Variants in CACNB2 observed in about 807,000 individuals in gnomAD.
CACNB2 encodes the protein calcium voltage-gated channel auxiliary subunit beta 2.
CACNB2 carries 42 observed loss-of-function variants against 73.3 expected under a neutral mutation model. The ratio of observed to expected loss-of-function variants is 0.57; its 90% CI spans 0.45 to 0.74. CACNB2 has a LOEUF of 0.74. CACNB2 is among the 30% of genes least tolerant of loss of function. The pLI, the probability that CACNB2 is intolerant of heterozygous loss-of-function variation, is 0.00. For missense variants in CACNB2, 940 were observed against 853.0 expected, an observed-to-expected ratio of 1.10 and a Z score of -1.27; for synonymous variants, 348 against 310.3, an observed-to-expected ratio of 1.12 and a Z score of -1.28.
rs537327079 is a variant in CACNB2 at position 18,304,310 on chromosome 10, A to G, written c.214-97614A>G. On this transcript the variant is annotated intron_variant, in intron 2 of 13. Transcript: ENST00000324631. ...AGTCATGGTGGCAGTGGACAAGTTT[A>G]TTTCTCAATACACAATGGGCAAGTA... Among the ~76,000 whole-genome samples, 4 of 152,288 alleles carry G rather than the reference A, an allele frequency of 2.6e-5. No individual in the cohort carries two copies. The South Asian group carries it at 8.3e-4, about 32-fold the overall frequency.
chr10:18,188,073 C>G (rs1428699263), intron 2 of CACNB2, among the ~76,000 whole-genome samples: 10 of 152,118 alleles, frequency 6.6e-5, no homozygotes, highest in Non-Finnish European at 1.0e-4. Context: ...TGTTAATTGA[C>G]ATCAACAACA....
intron 1 of CACNB2, among the ~76,000 whole-genome samples, chr10:18,147,808 C>G (rs1056579472): frequency 5.3e-5 from 8 of 151,756 alleles, no homozygotes; most frequent in Admixed American, 6.6e-5. Flanking sequence ...CACTTTTTTC[C>G]CCCCTTAATT....
chr10:18,222,169 T>C (rs2035819933), intron 2 of CACNB2, among the ~76,000 whole-genome samples: 1 of 152,160 alleles, frequency 6.6e-6, no homozygotes. Context: ...AACCTCTAGA[T>C]TGAAACAGCA....
chr10:18,188,976 T>G lies in CACNB2; in HGVS notation c.213+38001T>G, dbSNP rs78753395. ...TGTCTATTGTTATTTATTTATATTT[T>G]TGAGACAGGGTCTCACTCTGTCACC... On this transcript the variant is annotated intron_variant, in intron 2 of 13. Coordinates refer to ENST00000324631, the MANE Select transcript of CACNB2 (RefSeq NM_201596.3). Among the ~76,000 whole-genome samples, 958 of 152,164 alleles carry G rather than the reference T, an allele frequency of 6.3e-3. 5 individuals are homozygous for G. The highest frequency in any genetic ancestry group is 0.014 in the Middle Eastern group (4 of 294).
At position 18,542,660 on chromosome 10, in the gene CACNB2, A is replaced by C. The variant is rs1444817719; in HGVS notation, c.*2936A>C. The C allele has an allele frequency of 6.6e-6, 1 of 152,220 alleles. No individual in the cohort carries two copies. Among genetic ancestry groups the C allele is most frequent in the Admixed American group, 6.5e-5 (1 of 15,284 alleles). The allele number at this position is 152,220 out of a possible 1,614,324, so 9.4% of individuals were successfully genotyped here. A position where few individuals can be genotyped will look rare whatever the true frequency, so the allele number is the denominator to read the frequency against. ...AAAGAACTAGCTTGAAGGATTTGACATAAGAGCCGCTATATGTGAAAAACT... is the reference window on the plus strand; with the variant it reads ...AAAGAACTAGCTTGAAGGATTTGACCTAAGAGCCGCTATATGTGAAAAACT... On this transcript the variant is annotated 3_prime_UTR_variant, in exon 14 of 14. Transcript: ENST00000324631.
At chr10:18,529,844 C>A (rs1026219560) in intron 10 of CACNB2, among the ~76,000 whole-genome samples, 1 of 152,154 alleles carries the variant, frequency 6.6e-6, no homozygotes, top group African/African-American at 2.4e-5. Context: ...TTCCACACAT[C>A]ATTTGACGCT....
At chr10:18,524,167 G>A (rs1047128490) in intron 9 of CACNB2, among the ~76,000 whole-genome samples, 2 of 151,636 alleles carry the variant, frequency 1.3e-5, no homozygotes, top group African/African-American at 4.8e-5. Context: ...TAACAAGGAA[G>A]TTGAGAACAA....
intron 2 of CACNB2, among the ~76,000 whole-genome samples, chr10:18,208,347 G>A (rs939737049): frequency 1.3e-5 from 2 of 152,068 alleles, no homozygotes; most frequent in African/African-American, 2.4e-5. Context: ...GTAGTGATAT[G>A]TGGCTGTTGT....
chr10:18,407,999 T>A (rs989288706), intron 3 of CACNB2, among the ~76,000 whole-genome samples: 2 of 152,130 alleles, frequency 1.3e-5, no homozygotes, highest in African/African-American at 4.8e-5. Flanking sequence ...ATTTATTATT[T>A]CATATATTTG....
intron 3 of CACNB2, among the ~76,000 whole-genome samples, chr10:18,406,657 T>C (rs1256425847): frequency 6.6e-6 from 1 of 152,188 alleles, no homozygotes; most frequent in Non-Finnish European, 1.5e-5. Flanking sequence ...TTCTACATGA[T>C]TGTAAGTTGT....
intron 9 of CACNB2, among the ~76,000 whole-genome samples, chr10:18,521,776 G>A (rs1171580147): frequency 6.6e-6 from 1 of 152,172 alleles, no homozygotes; most frequent in African/African-American, 2.4e-5. Context: ...CAGGGGACCT[G>A]GAAGATACAG....
rs374488058 is a variant in CACNB2 at position 18,338,083 on chromosome 10, A to G, written c.214-63841A>G. 5.5e-4 allele frequency among the ~76,000 whole-genome samples: 84 copies of G among 152,348 alleles called. No homozygotes were observed. The South Asian group carries it at 0.015, about 27-fold the overall frequency. On this transcript the variant is annotated intron_variant, in intron 2 of 13. Coordinates refer to ENST00000324631, the MANE Select transcript of CACNB2 (RefSeq NM_201596.3). ...AAACAAGTGAGATTACACCAAACCA[A>G]AAAGCTTTCTCATAGCAGAGGAAAT...
At chr10:18,374,131 A>G (rs1243808001) in intron 2 of CACNB2, among the ~76,000 whole-genome samples, 1 of 152,196 alleles carries the variant, frequency 6.6e-6, no homozygotes, top group African/African-American at 2.4e-5. Flanking sequence ...TACTGTTTTG[A>G]TTGAGGTGGA....
intron 3 of CACNB2, among the ~76,000 whole-genome samples, chr10:18,482,473 G>A (rs948180481): frequency 6.6e-6 from 1 of 152,082 alleles, no homozygotes; most frequent in Admixed American, 6.6e-5. Context: ...GACTGAAGAT[G>A]CCTTGAGCAG....
At chr10:18,149,584 G>A (rs1271415586) in intron 1 of CACNB2, among the ~76,000 whole-genome samples, 1 of 152,176 alleles carries the variant, frequency 6.6e-6, no homozygotes, top group Non-Finnish European at 1.5e-5. Flanking sequence ...GCAAATGTTT[G>A]TAATAGATTT....
At chr10:18,232,142 G>A (rs946547695) in intron 2 of CACNB2, among the ~76,000 whole-genome samples, 34 of 152,110 alleles carry the variant, frequency 2.2e-4, no homozygotes, top group Non-Finnish European at 4.4e-5. Flanking sequence ...GTTGATCATT[G>A]GAGGAAATAT....
intron 2 of CACNB2, among the ~76,000 whole-genome samples, chr10:18,294,992 C>T (rs1222316217): frequency 6.6e-6 from 1 of 152,222 alleles, no homozygotes; most frequent in Admixed American, 6.5e-5. Context: ...ACGCCCATCT[C>T]ATCACCCTGA....
chr10:18,287,265 G>A (rs2038844700), intron 2 of CACNB2, among the ~76,000 whole-genome samples: 1 of 152,040 alleles, frequency 6.6e-6, no homozygotes, highest in Admixed American at 6.6e-5. Flanking sequence ...GGAGGCAGAG[G>A]TTGCAGTGAG....
chr10:18,438,183 A>AGTT, intron 3 of CACNB2, among the ~76,000 whole-genome samples: 2 of 93,968 alleles, frequency 2.1e-5, no homozygotes, highest in Admixed American at 1.2e-4. Flanking sequence ...ACACCTGGCG[A>AGTT]TTTTTTTTTT....
Sources: gnomAD v4.1 joint callset for allele counts (sites outside exome capture counted in the v4.1 genomes callset) on GRCh38, gnomAD v4.1.1 for gene constraint, MANE v1.5 for transcripts, NCBI Gene and HGNC (gene_info 2026-07-23, HGNC 2026-07-21) for gene names.